PRRX2: variants seen among roughly 807,000 people sequenced by gnomAD.
PRRX2 encodes paired related homeobox 2.
In PRRX2, 11 loss-of-function variants were observed where a neutral mutation model predicts 18.0. The ratio of observed to expected loss-of-function variants is 0.61; its 90% CI spans 0.39 to 1.01. The LOEUF (loss-of-function observed/expected upper bound fraction) is 1.01. Among genes scored for constraint, PRRX2 ranks in the 50% least tolerant of loss-of-function variants. PRRX2 has a pLI of 0.01. For missense variants in PRRX2, 387 were observed against 351.0 expected, an observed-to-expected ratio of 1.10 and a Z score of -0.82; for synonymous variants, 177 against 154.8, an observed-to-expected ratio of 1.14 and a Z score of -1.06.
At chr9:129,719,680 A>G (rs1588177887) in intron 2 of PRRX2, among the ~76,000 whole-genome samples, 2 of 152,202 alleles carry the variant, frequency 1.3e-5, no homozygotes, top group East Asian at 3.9e-4. Context: ...TCCTTCGAGG[A>G]TTAGAGTTAA....
In PRRX2 at chr9:129,712,581, G is replaced by A. The variant is rs1832639363; in HGVS notation, c.260-6650G>A. On this transcript the variant is annotated intron_variant, in intron 1 of 3. Coordinates refer to ENST00000372469, the MANE Select transcript of PRRX2 (RefSeq NM_016307.4). Reference sequence around the variant, plus strand: ...AAATAATTTAATGGCAGAAAACCGTGCACCAGTCATTTTTTCACTGTAATG... The same window carrying A: ...AAATAATTTAATGGCAGAAAACCGTACACCAGTCATTTTTTCACTGTAATG... Among the ~76,000 whole-genome samples, 3 of 152,292 alleles carry A rather than the reference G, an allele frequency of 2.0e-5. No homozygotes were observed. In the South Asian group the frequency reaches 6.2e-4, roughly 32 times the overall value.
chr9:129,683,617 C>A (rs1271715420), intron 1 of PRRX2, among the ~76,000 whole-genome samples: 1 of 152,138 alleles, frequency 6.6e-6, no homozygotes, highest in Non-Finnish European at 1.5e-5. Flanking sequence ...CACCTGTAGT[C>A]CCAACTACTC....
In PRRX2 at chr9:129,666,050, C is replaced by T; in HGVS notation, c.183C>T (p.Ala61=). 9.5e-7 allele frequency: 1 copy of T among 1,048,870 alleles called. No individual in the cohort carries two copies. The highest frequency in any genetic ancestry group is 1.1e-6 in the Non-Finnish European group (1 of 875,118). The allele number at this position is 1,048,870 out of a possible 1,614,324, so 65.0% of individuals were successfully genotyped here. The part of the protein sequence containing the change: ...AAGRLAARPG[A]RAEAREGAAR... Reference sequence around the variant, plus strand: ...GGCGGCTGGCGGCGCGCCCCGGGGCCAGGGCCGAGGCGCGGGAGGGCGCAG... The same window carrying T: ...GGCGGCTGGCGGCGCGCCCCGGGGCTAGGGCCGAGGCGCGGGAGGGCGCAG... The change falls in exon 1 of 4, where the codon GCC becomes GCT. Residue 61 remains alanine, a synonymous_variant. Coordinates refer to ENST00000372469, the MANE Select transcript of PRRX2 (RefSeq NM_016307.4).
chr9:129,684,937 C>T (rs77550795), intron 1 of PRRX2, among the ~76,000 whole-genome samples: 1,890 of 152,310 alleles, frequency 0.012, 25 homozygotes, highest in Non-Finnish European at 0.022. Context: ...GAACTCATTC[C>T]GGGGTTCCTG....
intron 1 of PRRX2, among the ~76,000 whole-genome samples, chr9:129,697,757 T>C (rs1017935741): frequency 6.6e-6 from 1 of 151,888 alleles, no homozygotes; most frequent in Non-Finnish European, 1.5e-5. Flanking sequence ...AAAGATGGCT[T>C]CTCAGAAACC....
intron 1 of PRRX2, among the ~76,000 whole-genome samples, chr9:129,674,164 C>A (rs1443002156): frequency 6.6e-6 from 1 of 152,142 alleles, no homozygotes; most frequent in African/African-American, 2.4e-5. Flanking sequence ...GCTCTCGCTG[C>A]CCTGAGCCCG....
At chr9:129,667,513 C>G (rs912243919) in intron 1 of PRRX2, among the ~76,000 whole-genome samples, 1 of 150,870 alleles carries the variant, frequency 6.6e-6, no homozygotes, top group African/African-American at 2.4e-5. Context: ...GGAGGAACAA[C>G]TTGAAGGTGA....
intron 1 of PRRX2, among the ~76,000 whole-genome samples, chr9:129,676,019 C>T (rs959426712): frequency 1.3e-5 from 2 of 152,242 alleles, no homozygotes; most frequent in African/African-American, 4.8e-5. Context: ...CGGTGGGCAA[C>T]TCAGCCTCAG....
chr9:129,706,006 G>A (rs1436624863), intron 1 of PRRX2, among the ~76,000 whole-genome samples: 1 of 151,986 alleles, frequency 6.6e-6, no homozygotes, highest in African/African-American at 2.4e-5. Context: ...ACTACCTGTG[G>A]CACCCCCAGA....
chr9:129,719,270 G>T lies in PRRX2; in HGVS notation c.299G>T (p.Arg100Leu), dbSNP rs770826522. Residue 100 changes from arginine to leucine, a missense_variant, in exon 2 of 4, where the codon CGG (arginine) becomes CTG (leucine). Physicochemically the swap from Arg to Leu is moderately radical, Grantham distance 102 (BLOSUM62 -2). Coordinates refer to ENST00000372469, the MANE Select transcript of PRRX2 (RefSeq NM_016307.4). ...PSPGRGSAAK[R>L]KKKQRRNRTT... ...CCGGGGCGCGGTAGCGCCGCCAAGC[G>T]GAAGAAGAAGCAGCGGCGGAACCGC... 3.1e-5 allele frequency: 50 copies of T among 1,607,914 alleles called. No homozygotes were observed. In the East Asian group the frequency reaches 1.1e-3, roughly 35 times the overall value.
At chr9:129,666,187 G>GGGGCA in intron 1 of PRRX2, 61 bp downstream of exon 1, 1 of 779,032 alleles carries the variant, frequency 1.3e-6, no homozygotes, top group Non-Finnish European at 1.5e-6. Flanking sequence ...GGGCCGGGGC[G>GGGGCA]CGGGGTCCGG....
At chr9:129,669,158 C>CTTTTTT (rs10632892) in intron 1 of PRRX2, among the ~76,000 whole-genome samples, 2,492 of 150,718 alleles carry the variant, frequency 0.017, 29 homozygotes, top group Non-Finnish European at 0.024. Context: ...CAGGCTCAAA[C>CTTTTTT]TTTTTTTAAT....
rs1416286476 is a variant in PRRX2 at position 129,722,601 on chromosome 9, C to T, written c.*249C>T. On this transcript the variant is annotated 3_prime_UTR_variant, in exon 4 of 4. Transcript: ENST00000372469. ...GAAGGTGGAAGAGCCTGCCAAGGAC[C>T]TCATTTAGTTTGTGTATTAAAACCA... 4 of 387,042 alleles carry T rather than the reference C, an allele frequency of 1.0e-5. No homozygotes were observed. The highest frequency in any genetic ancestry group is 1.8e-5 in the Non-Finnish European group (4 of 221,032). 24.0% of individuals were successfully genotyped at this position (387,042 alleles called of 1,614,324 possible).
At chr9:129,711,108 C>G (rs1832612275) in intron 1 of PRRX2, among the ~76,000 whole-genome samples, 1 of 152,078 alleles carries the variant, frequency 6.6e-6, no homozygotes, top group South Asian at 2.1e-4. Flanking sequence ...GTTAAGCCAC[C>G]AGGGAGACCC....
chr9:129,674,325 G>T (rs1298211879), intron 1 of PRRX2, among the ~76,000 whole-genome samples: 1 of 152,148 alleles, frequency 6.6e-6, no homozygotes, highest in Non-Finnish European at 1.5e-5. Context: ...AAATGAAGCA[G>T]TCTCTGGAAG....
intron 1 of PRRX2, among the ~76,000 whole-genome samples, chr9:129,678,916 C>A (rs1832193690): frequency 6.6e-6 from 1 of 152,160 alleles, no homozygotes; most frequent in African/African-American, 2.4e-5. Context: ...AGGAGCTGAC[C>A]ACAAGCCCCT....
At chr9:129,690,568 G>C (rs1468895476) in intron 1 of PRRX2, among the ~76,000 whole-genome samples, 1 of 150,148 alleles carries the variant, frequency 6.7e-6, no homozygotes, top group Non-Finnish European at 1.5e-5. Context: ...GTGCAGTGGT[G>C]CGATCTCGGC....
chr9:129,694,760 CTG>C (rs150079958), intron 1 of PRRX2, among the ~76,000 whole-genome samples: 2 of 151,894 alleles, frequency 1.3e-5, no homozygotes, highest in Non-Finnish European at 2.9e-5. Context: ...CCTCCAAGCT[CTG>C]TGTGTGTGTG....
At chr9:129,670,543 T>C (rs1340207578) in intron 1 of PRRX2, among the ~76,000 whole-genome samples, 1 of 152,030 alleles carries the variant, frequency 6.6e-6, no homozygotes, top group East Asian at 1.9e-4. Context: ...CCTGGCTAAT[T>C]TTTGTATTTT....
Sources: allele counts gnomAD v4.1 joint callset (sites outside exome capture counted in the v4.1 genomes callset), GRCh38; gene constraint gnomAD v4.1.1; transcripts MANE v1.5; gene names NCBI Gene and HGNC (gene_info 2026-07-23, HGNC 2026-07-21).